Variants in WDR72 observed in about 807,000 individuals in gnomAD.
WDR72 encodes WD repeat-containing protein 72.
A neutral mutation model predicts 124.2 loss-of-function variants in WDR72; 120 were observed. The ratio of observed to expected loss-of-function variants is 0.97; its 90% CI spans 0.83 to 1.12. WDR72 has a LOEUF of 1.12. Ranked by LOEUF, WDR72 falls within the 50% of genes most tolerant of loss-of-function variation. The pLI, the probability that WDR72 is intolerant of heterozygous loss-of-function variation, is 0.00. For missense variants in WDR72, 1,387 were observed against 1,278.8 expected (o/e 1.08, Z -1.29); for synonymous variants, 452 against 441.7 (o/e 1.02, Z -0.29).
chr15:53,627,891 T>G (rs1289457678), intron 14 of WDR72, among the ~76,000 whole-genome samples: 1 of 152,152 alleles, frequency 6.6e-6, no homozygotes, highest in Non-Finnish European at 1.5e-5. Context: ...AAGTTAAAAA[T>G]AAAATACTTT....
At chr15:53,543,816 C>T (rs1483385630) in intron 18 of WDR72, among the ~76,000 whole-genome samples, 1 of 152,130 alleles carries the variant, frequency 6.6e-6, no homozygotes, top group Admixed American at 6.6e-5. Context: ...GGGGATGTCA[C>T]CACCGATCCC....
At chr15:53,681,539 G>A (rs985031621) in intron 13 of WDR72, among the ~76,000 whole-genome samples, 6 of 152,078 alleles carry the variant, frequency 3.9e-5, no homozygotes, top group African/African-American at 9.7e-5. Context: ...CACAGGAATC[G>A]CTAAAACTGA....
At chr15:53,731,348 A>G (rs2018197317) in intron 2 of WDR72, among the ~76,000 whole-genome samples, 1 of 150,770 alleles carries the variant, frequency 6.6e-6, no homozygotes. Context: ...TGCTTCTTCC[A>G]CTCTCACCAA....
At chr15:53,585,311 T>C (rs1222136619) in intron 18 of WDR72, among the ~76,000 whole-genome samples, 2 of 151,880 alleles carry the variant, frequency 1.3e-5, no homozygotes, top group Non-Finnish European at 2.9e-5. Context: ...GCAGGGGAAA[T>C]GCCAGATGCT....
intron 13 of WDR72, among the ~76,000 whole-genome samples, chr15:53,678,961 G>C (rs2016281590): frequency 6.6e-6 from 1 of 152,172 alleles, no homozygotes; most frequent in African/African-American, 2.4e-5. Flanking sequence ...CTAAAATGGA[G>C]TATCAGTCAG....
At chr15:53,639,349 G>A (rs57223417) in intron 14 of WDR72, among the ~76,000 whole-genome samples, 10,346 of 151,862 alleles carry the variant, frequency 0.068, 1,159 homozygotes, top group African/African-American at 0.24. Flanking sequence ...ATTCTTTTCT[G>A]TCCAGGTGCG....
At chr15:53,710,790 C>CAAAG in intron 9 of WDR72, 67 bp downstream of exon 9, 1 of 1,309,644 alleles carries the variant, frequency 7.6e-7, no homozygotes, top group Admixed American at 1.7e-5. Flanking sequence ...CTGTGACAGA[C>CAAAG]AAAGCAACAC....
At chr15:53,531,709 G>C (rs1379723787) in intron 18 of WDR72, among the ~76,000 whole-genome samples, 1 of 152,012 alleles carries the variant, frequency 6.6e-6, no homozygotes, top group Non-Finnish European at 1.5e-5. Flanking sequence ...ATAATCTAAT[G>C]ATACTTCCAG....
intron 13 of WDR72, among the ~76,000 whole-genome samples, chr15:53,678,348 T>C (rs1476485293): frequency 6.6e-6 from 1 of 152,166 alleles, no homozygotes; most frequent in East Asian, 1.9e-4. Context: ...ACATTATTGA[T>C]AGTATTGGGG....
At chr15:53,741,683 A>T (rs2018512840) in intron 1 of WDR72, among the ~76,000 whole-genome samples, 1 of 151,990 alleles carries the variant, frequency 6.6e-6, no homozygotes, top group African/African-American at 2.4e-5. Flanking sequence ...CATTAATGTA[A>T]TCCCCCCCTC....
intron 18 of WDR72, among the ~76,000 whole-genome samples, chr15:53,559,711 C>T (rs552084164): frequency 6.6e-6 from 1 of 152,036 alleles, no homozygotes; most frequent in East Asian, 1.9e-4. Flanking sequence ...AAAACTATGG[C>T]TTATGTGTGG....
chr15:53,673,320 ATAAT>A (rs1407889111), intron 13 of WDR72, among the ~76,000 whole-genome samples: 1 of 152,226 alleles, frequency 6.6e-6, no homozygotes, highest in African/African-American at 2.4e-5. Flanking sequence ...AGGGAGAGAA[ATAAT>A]TTAAAAAGAA....
At chr15:53,708,697 T>C (rs2017453948) in intron 9 of WDR72, among the ~76,000 whole-genome samples, 1 of 152,190 alleles carries the variant, frequency 6.6e-6, no homozygotes, top group Non-Finnish European at 1.5e-5. Flanking sequence ...ATCACCATCA[T>C]CATCATCACC....
chr15:53,729,974 C>A (rs924951450), intron 2 of WDR72, among the ~76,000 whole-genome samples: 1 of 152,072 alleles, frequency 6.6e-6, no homozygotes, highest in Non-Finnish European at 1.5e-5. Flanking sequence ...AAAATAATTT[C>A]AAAAATAGAA....
At chr15:53,673,999 A>C (rs1225939879) in intron 13 of WDR72, among the ~76,000 whole-genome samples, 1 of 152,188 alleles carries the variant, frequency 6.6e-6, no homozygotes, top group Non-Finnish European at 1.5e-5. Flanking sequence ...CTCAAGAAAA[A>C]AAAAAGCATA....
chr15:53,733,645 G>T (rs1595881028), intron 1 of WDR72, among the ~76,000 whole-genome samples: 1 of 152,080 alleles, frequency 6.6e-6, no homozygotes, highest in East Asian at 1.9e-4. Flanking sequence ...GTGTTTCCTA[G>T]TCTTCAAGAT....
At chr15:53,661,090 G>A (rs1053416800) in intron 14 of WDR72, among the ~76,000 whole-genome samples, 4 of 152,118 alleles carry the variant, frequency 2.6e-5, no homozygotes, top group Non-Finnish European at 5.9e-5. Flanking sequence ...AATTGTCTAT[G>A]GTCGCTTCTG....
chr15:53,761,688 G>T (rs1038295115), upstream of WDR72, among the ~76,000 whole-genome samples: 50 of 152,098 alleles, frequency 3.3e-4, no homozygotes, highest in African/African-American at 1.2e-3. Flanking sequence ...TTAGCCAGGC[G>T]TGGTGGCTGT....
chr15:53,559,247 G>T (rs898498204), intron 18 of WDR72, among the ~76,000 whole-genome samples: 14 of 151,884 alleles, frequency 9.2e-5, no homozygotes, highest in African/African-American at 3.4e-4. Flanking sequence ...GGACTAGAAA[G>T]AAGAAAGAGT....
Sources: gnomAD v4.1 joint callset for allele counts (sites outside exome capture counted in the v4.1 genomes callset) on GRCh38, gnomAD v4.1.1 for gene constraint, MANE v1.5 for transcripts, NCBI Gene and HGNC (gene_info 2026-07-23, HGNC 2026-07-21) for gene names.